The following PPP2R2C variants were observed in gnomAD, a reference collection of about 807,000 sequenced individuals.
The protein encoded by PPP2R2C is protein phosphatase 2, regulatory subunit B, gamma.
Under a neutral mutation model 45.3 loss-of-function variants are expected in PPP2R2C, and 10 were observed. The ratio of observed to expected loss-of-function variants is 0.22; its 90% confidence interval spans 0.14 to 0.37. The LOEUF is 0.37. PPP2R2C is among the 10% of genes least tolerant of loss of function. The pLI, the probability that PPP2R2C is intolerant of heterozygous loss-of-function variation, is 1.00. For synonymous variants in PPP2R2C, 257 were observed against 245.4 expected, an observed-to-expected ratio of 1.05 and a Z score of -0.44; for missense variants, 308 against 619.7, an observed-to-expected ratio of 0.50 and a Z score of 5.34.
Position 6,336,604 on chromosome 4 carries a change from CG to C in PPP2R2C, c.791-2874del, listed in dbSNP as rs1560452947. On this transcript the variant is annotated intron_variant, in intron 6 of 8. Transcript: ENST00000382599. ...TGCTGTACAGAGTGAGCCCAGTGCA[CG>C]ATGAGTGCTGCAGCCCTACTGACTT... Among the ~76,000 whole-genome samples, 5 of 68,474 alleles carry C rather than the reference CG, an allele frequency of 7.3e-5. 2 individuals are homozygous for C. Among genetic ancestry groups the C allele is most frequent in the South Asian group, 9.3e-4 (2 of 2,158 alleles). The allele number at this position is 68,474 out of a possible 152,430, so 44.9% of individuals were successfully genotyped here.
intron 1 of PPP2R2C, among the ~76,000 whole-genome samples, chr4:6,536,484 G>A (rs1289555073): frequency 6.6e-6 from 1 of 152,134 alleles, no homozygotes; most frequent in Admixed American, 6.5e-5. Context: ...AAAGGCAAGT[G>A]AAAAAAGGTG....
At chr4:6,445,636 T>C (rs1720380129) in intron 1 of PPP2R2C, among the ~76,000 whole-genome samples, 1 of 152,200 alleles carries the variant, frequency 6.6e-6, no homozygotes, top group Non-Finnish European at 1.5e-5. Context: ...GGGGGATCAC[T>C]TGAGTCTAGG....
chr4:6,339,249 G>A (rs1577080334), intron 6 of PPP2R2C, among the ~76,000 whole-genome samples: 3 of 152,234 alleles, frequency 2.0e-5, no homozygotes, highest in South Asian at 4.1e-4. Flanking sequence ...GGGGCTGTAA[G>A]CTCCCTTGGG....
chr4:6,424,866 C>T (rs1312743519), intron 1 of PPP2R2C, among the ~76,000 whole-genome samples: 2 of 152,202 alleles, frequency 1.3e-5, no homozygotes, highest in African/African-American at 4.8e-5. Flanking sequence ...TAAGACCGTA[C>T]AGCCAGAGTT....
Position 6,347,882 on chromosome 4 carries a change from T to G in PPP2R2C, c.754A>C (p.Met252Leu). ...TTGTCACACAGGGCAGCTGCCCGCA[T>G]GTCGCAGAGCCGCAGGGAGCCCTTG... ...SSKGSLRLCD[M>L]RAAALCDKHS... The change falls in exon 6 of 9, where the codon ATG becomes CTG. Residue 252 changes from methionine to leucine, a missense_variant. By Grantham distance (15) the Met-to-Leu change is conservative (BLOSUM62 2). Coordinates refer to ENST00000382599, the MANE Select transcript of PPP2R2C (RefSeq NM_020416.4). The G allele has an allele frequency of 1.3e-6, 2 of 1,569,194 alleles. No homozygotes were observed. Among genetic ancestry groups the G allele is most frequent in the Non-Finnish European group, 1.7e-6 (2 of 1,151,268 alleles).
intron 2 of PPP2R2C, among the ~76,000 whole-genome samples, chr4:6,533,769 A>C (rs535394620): frequency 6.6e-6 from 1 of 152,258 alleles, no homozygotes; most frequent in African/African-American, 2.4e-5. Flanking sequence ...AATGTCCAAC[A>C]CAGGAAATTG....
chr4:6,384,278 A>G (rs1716066913), intron 1 of PPP2R2C: 1 of 985,398 alleles, frequency 1.0e-6, no homozygotes, highest in Non-Finnish European at 1.2e-6. Context: ...CGGGATATAA[A>G]ATTGGGTATA....
intron 1 of PPP2R2C, among the ~76,000 whole-genome samples, chr4:6,444,068 AC>A (rs1202502173): frequency 1.3e-5 from 2 of 152,176 alleles, no homozygotes; most frequent in African/African-American, 4.8e-5. Context: ...GAGTTTGGGA[AC>A]CCAAACAGGT....
At chr4:6,352,067 C>G (rs1712613199) in intron 5 of PPP2R2C, among the ~76,000 whole-genome samples, 1 of 152,210 alleles carries the variant, frequency 6.6e-6, no homozygotes, top group East Asian at 1.9e-4. Context: ...TGCCCAAACT[C>G]AGCTACCGTG....
chr4:6,381,491 G>T, intron 1 of PPP2R2C: 1 of 1,373,998 alleles, frequency 7.3e-7, no homozygotes, highest in Non-Finnish European at 9.4e-7. Context: ...CCAGCAACCT[G>T]GGTCAGGGAA....
intron 1 of PPP2R2C, among the ~76,000 whole-genome samples, chr4:6,446,189 C>A (rs1022891608): frequency 7.2e-5 from 11 of 152,216 alleles, no homozygotes; most frequent in Admixed American, 5.2e-4. Flanking sequence ...CCGCCTAGAA[C>A]CACGTTCTGA....
intron 1 of PPP2R2C, among the ~76,000 whole-genome samples, chr4:6,436,966 G>T (rs551928512): frequency 6.6e-6 from 1 of 152,240 alleles, no homozygotes; most frequent in Admixed American, 6.5e-5. Flanking sequence ...TTTACACATT[G>T]CCAAGTGAAC....
chr4:6,413,903 C>A (rs1718375190), intron 1 of PPP2R2C: 1 of 1,536,138 alleles, frequency 6.5e-7, no homozygotes, highest in Non-Finnish European at 8.7e-7. Flanking sequence ...CCCTGCTCAC[C>A]CGTGTCTCTC....
chr4:6,454,340 C>T (rs1560559675), intron 1 of PPP2R2C, among the ~76,000 whole-genome samples: 1 of 152,182 alleles, frequency 6.6e-6, no homozygotes, highest in Non-Finnish European at 1.5e-5. Flanking sequence ...CTTGCTTGAA[C>T]TAAATGAAGG....
intron 1 of PPP2R2C, among the ~76,000 whole-genome samples, chr4:6,430,362 C>T (rs1719547315): frequency 6.6e-6 from 1 of 152,192 alleles, no homozygotes; most frequent in African/African-American, 2.4e-5. Flanking sequence ...GCTCCAGAGT[C>T]CATGTCTTCT....
At chr4:6,413,891 G>A (rs4689000) in intron 1 of PPP2R2C, 369,952 of 1,534,956 alleles carry the variant, frequency 0.24, 46,917 homozygotes, top group Admixed American at 0.45. Context: ...ATGCCCCACA[G>A]CCCCTGCTCA....
At chr4:6,499,719 T>C (rs988151602) in intron 2 of PPP2R2C, among the ~76,000 whole-genome samples, 3 of 151,490 alleles carry the variant, frequency 2.0e-5, no homozygotes, top group Non-Finnish European at 4.4e-5. Context: ...ATTTAAGGTA[T>C]ATTTATCTTA....
At chr4:6,363,352 G>A (rs1431125936) in intron 5 of PPP2R2C, among the ~76,000 whole-genome samples, 2 of 152,212 alleles carry the variant, frequency 1.3e-5, no homozygotes, top group African/African-American at 4.8e-5. Flanking sequence ...GTCAAGGCAG[G>A]TGGATCACGA....
chr4:6,327,411 G>A (rs1314716795), intron 8 of PPP2R2C, among the ~76,000 whole-genome samples: 1 of 152,208 alleles, frequency 6.6e-6, no homozygotes, highest in Non-Finnish European at 1.5e-5. Flanking sequence ...GATGCTTGGC[G>A]GCTTCTCCAG....
Sources: allele counts gnomAD v4.1 joint callset (sites outside exome capture counted in the v4.1 genomes callset), GRCh38; gene constraint gnomAD v4.1.1; transcripts MANE v1.5; gene names NCBI Gene and HGNC (gene_info 2026-07-23, HGNC 2026-07-21).